MAP1B: variants seen among roughly 807,000 people sequenced by gnomAD.
MAP1B encodes microtubule associated protein 1B, also known as microtubule-associated protein 1B.
Under a neutral mutation model 176.1 loss-of-function variants are expected in MAP1B, and 12 were observed. The ratio of observed to expected loss-of-function variants is 0.07; its 90% CI spans 0.04 to 0.11. The LOEUF is 0.11. Among genes scored for constraint, MAP1B ranks in the 10% least tolerant of loss-of-function variants. The pLI is 1.00. For synonymous variants in MAP1B, 1,044 were observed against 1,135.0 expected, an observed-to-expected ratio of 0.92 and a Z score of 1.61; for missense variants, 2,523 against 2,990.5, an observed-to-expected ratio of 0.84 and a Z score of 3.65.
At position 72,158,006 on chromosome 5, in the gene MAP1B, ATTT is replaced by A. The variant is rs33987772; in HGVS notation, c.287-25718_287-25716del. On this transcript the variant is annotated intron_variant, in intron 2 of 6. Coordinates refer to ENST00000296755, the MANE Select transcript of MAP1B (RefSeq NM_005909.5). ...AGGCATCTGCTACTACACCTGGCTA[ATTT>A]TTTTTTTTTTTTTTTTTTGAGATGG... Among the ~76,000 whole-genome samples, 406 of 104,296 alleles carry A rather than the reference ATTT, an allele frequency of 3.9e-3. 3 individuals carry two copies. The highest frequency in any genetic ancestry group is 6.8e-3 in the African/African-American group (189 of 27,852). The allele number at this position is 104,296 out of a possible 152,430, so 68.4% of individuals were successfully genotyped here.
intron 2 of MAP1B, among the ~76,000 whole-genome samples, chr5:72,128,308 G>A (rs1745664523): frequency 6.6e-6 from 1 of 151,822 alleles, no homozygotes; most frequent in Non-Finnish European, 1.5e-5. Context: ...TTGAGGTGGT[G>A]TCCTCAATAC....
At chr5:72,134,996 T>G (rs1399011240) in intron 2 of MAP1B, among the ~76,000 whole-genome samples, 1 of 150,954 alleles carries the variant, frequency 6.6e-6, no homozygotes, top group African/African-American at 2.4e-5. Flanking sequence ...ATCCTGATGT[T>G]TCAGATGCTT....
At chr5:72,190,126 A>G (rs778274478) in intron 4 of MAP1B, among the ~76,000 whole-genome samples, 1 of 152,176 alleles carries the variant, frequency 6.6e-6, no homozygotes, top group Non-Finnish European at 1.5e-5. Flanking sequence ...GTGAGAGTTG[A>G]TAATGTCTAT....
rs1223952793 is a variant in MAP1B, at chr5:72,203,672, G to A, written c.7122G>A (p.Val2374=). The A allele has an allele frequency of 1.2e-6, 2 of 1,614,132 alleles. No individual in the cohort carries two copies. The highest frequency in any genetic ancestry group is 2.2e-5 in the South Asian group (2 of 91,068). Reference sequence around the variant, plus strand: ...ACAGCAATAGTAAGAATGTTGATGTGGAATTTTTCAAGAGAGTGCGGTCTT... The same window carrying A: ...ACAGCAATAGTAAGAATGTTGATGTAGAATTTTTCAAGAGAGTGCGGTCTT... ...PNHSNSKNVD[V]EFFKRVRSSY... is the part of the protein sequence containing the mutation. The change falls in exon 6 of 7, where the codon GTG becomes GTA. Residue 2374 remains valine, a synonymous_variant. Coordinates refer to ENST00000296755, the MANE Select transcript of MAP1B (RefSeq NM_005909.5).
At position 72,198,861 on chromosome 5, in the gene MAP1B, G is replaced by T; in HGVS notation, c.5506G>T (p.Val1836Leu). The T allele has an allele frequency of 1.2e-6, 2 of 1,614,200 alleles. No individual in the cohort carries two copies. Among genetic ancestry groups the T allele is most frequent in the Non-Finnish European group, 1.7e-6 (2 of 1,180,034 alleles). The change falls in exon 5 of 7, where the codon GTG (valine) becomes TTG (leucine). Residue 1836 changes from valine to leucine, a missense_variant. Coordinates refer to ENST00000296755, the MANE Select transcript of MAP1B (RefSeq NM_005909.5). Reference protein sequence around the residue: ...SAEPYGFRASVLFDTMQHHLA... With the variant: ...SAEPYGFRASLLFDTMQHHLA... ...AGAGCCCTATGGCTTCCGTGCCTCA[G>T]TGTTATTCGATACAATGCAACACCA...
At chr5:72,181,481 C>T (rs568609629) in intron 2 of MAP1B, among the ~76,000 whole-genome samples, 28 of 152,166 alleles carry the variant, frequency 1.8e-4, no homozygotes, top group Admixed American at 2.6e-4. Context: ...TAACATTTGC[C>T]GTTTTAACTA....
chr5:72,112,841 T>C (rs1221327950), intron 1 of MAP1B, among the ~76,000 whole-genome samples: 2 of 152,180 alleles, frequency 1.3e-5, no homozygotes, highest in African/African-American at 4.8e-5. Flanking sequence ...AGGAAGAGCT[T>C]GACTTGGTGT....
intron 2 of MAP1B, among the ~76,000 whole-genome samples, chr5:72,181,472 A>T (rs2112209037): frequency 6.6e-6 from 1 of 152,326 alleles, no homozygotes; most frequent in East Asian, 1.9e-4. Context: ...GATAAAATAT[A>T]ACATTTGCCG....
At chr5:72,185,499 A>T (rs1192045285) in intron 3 of MAP1B, among the ~76,000 whole-genome samples, 1 of 151,750 alleles carries the variant, frequency 6.6e-6, no homozygotes, top group East Asian at 1.9e-4. Flanking sequence ...GGAGGCTGAG[A>T]TGGAGGATTG....
chr5:72,158,043 G>A (rs572858369), intron 2 of MAP1B, among the ~76,000 whole-genome samples: 417 of 128,028 alleles, frequency 3.3e-3, no homozygotes, highest in Non-Finnish European at 4.9e-3. Flanking sequence ...GGAGTCTCGC[G>A]TTCGCCCAGG....
intron 2 of MAP1B, chr5:72,179,905 G>T (rs1746730767): frequency 1.0e-6 from 1 of 985,514 alleles, no homozygotes; most frequent in African/African-American, 1.7e-5. Context: ...GGAAGGAGTG[G>T]AGGTAAATGG....
chr5:72,195,094 T>C lies in MAP1B; in HGVS notation c.1739T>C (p.Val580Ala). The change falls in exon 5 of 7, where the codon GTT becomes GCT. Residue 580 changes from valine (V) to alanine (A), a missense_variant. Physicochemically the swap from Val to Ala is moderately conservative, Grantham distance 64. Transcript: ENST00000296755. The stretch of plus-strand genomic sequence containing the variant: ...AATCACGTGGAAAAGCCACCCAAAG[T>C]TGAAAGCAAAGAAAAGGTAATGGTG... ...KVNHVEKPPK[V>A]ESKEKVMVKK... 1.2e-6 allele frequency: 2 copies of C among 1,613,484 alleles called. No individual in the cohort carries two copies. The highest frequency in any genetic ancestry group is 1.1e-5 in the South Asian group (1 of 91,042).
chr5:72,160,389 A>T (rs1176580689), intron 2 of MAP1B, among the ~76,000 whole-genome samples: 1 of 152,168 alleles, frequency 6.6e-6, no homozygotes, highest in Non-Finnish European at 1.5e-5. Context: ...GAAATAGCTG[A>T]TGTTATTTAA....
intron 2 of MAP1B, among the ~76,000 whole-genome samples, chr5:72,162,485 A>T (rs1746345381): frequency 6.6e-6 from 1 of 152,146 alleles, no homozygotes; most frequent in Non-Finnish European, 1.5e-5. Flanking sequence ...ACATCCTGAA[A>T]AAGAAAGTTA....
Position 72,195,903 on chromosome 5 carries a change from G to A in MAP1B, c.2548G>A (p.Val850Ile), listed in dbSNP as rs1486566236. The part of the protein sequence containing the change: ...FEELKAEEVD[V>I]TKDIKPQLEL... ...AGAGTTAAAGGCTGAAGAGGTCGAT[G>A]TAACAAAGGACATCAAGCCTCAGCT... is the stretch of plus-strand genomic sequence containing the variant. Residue 850 changes from valine (V) to isoleucine (I), a missense_variant, in exon 5 of 7, where the codon GTA becomes ATA. Transcript: ENST00000296755. 6.2e-7 allele frequency: 1 copy of A among 1,614,248 alleles called. No homozygotes were observed. Among genetic ancestry groups the A allele is most frequent in the Non-Finnish European group, 8.5e-7 (1 of 1,180,054 alleles).
At position 72,107,486 on chromosome 5, in the gene MAP1B, G is replaced by C; in HGVS notation, c.-46G>C. The C allele has an allele frequency of 6.7e-7, 1 of 1,489,666 alleles. No individual in the cohort carries two copies. The allele number at this position is 1,489,666 out of a possible 1,614,324, so 92.3% of individuals were successfully genotyped here. A position where few individuals can be genotyped will look rare whatever the true frequency, so the allele number is the denominator to read the frequency against. On this transcript the variant is annotated 5_prime_UTR_variant, in exon 1 of 7. Coordinates refer to ENST00000296755, the MANE Select transcript of MAP1B (RefSeq NM_005909.5). ...TCCTTTCTCCTGCCGCAGTGGAGAG[G>C]AGCGGCCGGAGCGAGACACTTCGCC...
intron 4 of MAP1B, among the ~76,000 whole-genome samples, chr5:72,187,207 CAA>C (rs1746926946): frequency 6.6e-6 from 1 of 152,158 alleles, no homozygotes; most frequent in South Asian, 2.1e-4. Context: ...GAACAGCCCA[CAA>C]AAGAGAGAGG....
At chr5:72,178,007 A>T (rs1561307580) in intron 2 of MAP1B, among the ~76,000 whole-genome samples, 1 of 145,826 alleles carries the variant, frequency 6.9e-6, no homozygotes, top group African/African-American at 2.6e-5. Flanking sequence ...AAGAGACTTC[A>T]TTTTTTATTT....
intron 2 of MAP1B, among the ~76,000 whole-genome samples, chr5:72,128,492 C>T (rs554946031): frequency 5.3e-5 from 8 of 151,802 alleles, no homozygotes; most frequent in South Asian, 2.1e-4. Context: ...CTAGGTTATT[C>T]GAAGAAAATA....
Sources: gnomAD v4.1 joint callset for allele counts (sites outside exome capture counted in the v4.1 genomes callset) on GRCh38, gnomAD v4.1.1 for gene constraint, MANE v1.5 for transcripts, NCBI Gene and HGNC (gene_info 2026-07-23, HGNC 2026-07-21) for gene names.